ZNF618: variants seen among roughly 807,000 people sequenced by gnomAD.
ZNF618 encodes neural precursor cell expressed, developmentally down-regulated 10.
Under a neutral mutation model 103.0 loss-of-function variants are expected in ZNF618, and 34 were observed. The ratio of observed to expected loss-of-function variants is 0.33; its 90% CI spans 0.25 to 0.44. The LOEUF (loss-of-function observed/expected upper bound fraction) is 0.44, where lower values mean the gene tolerates loss of function less well. ZNF618 is among the 20% of genes least tolerant of loss of function. The pLI is 1.00. For missense variants in ZNF618, 1,059 were observed against 1,295.4 expected (o/e 0.82, Z 2.80); for synonymous variants, 551 against 542.2 (o/e 1.02, Z -0.23).
chr9:113,941,725 T>C (rs921792279), intron 1 of ZNF618, among the ~76,000 whole-genome samples: 1 of 152,210 alleles, frequency 6.6e-6, no homozygotes, highest in Non-Finnish European at 1.5e-5. Context: ...TAGGATTTCC[T>C]CTTTGTTTTT....
intron 3 of ZNF618, among the ~76,000 whole-genome samples, chr9:113,992,055 A>G (rs958432822): frequency 9.2e-5 from 14 of 152,220 alleles, no homozygotes; most frequent in Non-Finnish European, 1.8e-4. Flanking sequence ...ATTTAAAAAC[A>G]AAATCAGTGT....
chr9:114,005,743 TG>T (rs1280570909), intron 6 of ZNF618, among the ~76,000 whole-genome samples: 3 of 152,176 alleles, frequency 2.0e-5, no homozygotes, highest in Admixed American at 2.0e-4. Context: ...CGGGACCTGA[TG>T]GGGAAGTTGT....
chr9:114,003,211 G>A (rs1014424380), intron 6 of ZNF618, among the ~76,000 whole-genome samples: 2 of 152,218 alleles, frequency 1.3e-5, no homozygotes, highest in Non-Finnish European at 2.9e-5. Flanking sequence ...ACAGGGCCTT[G>A]ACATCTGCGA....
At chr9:113,963,527 C>A (rs1180720234) in intron 1 of ZNF618, among the ~76,000 whole-genome samples, 5 of 152,122 alleles carry the variant, frequency 3.3e-5, no homozygotes, top group Non-Finnish European at 7.4e-5. Flanking sequence ...AAAATACTGA[C>A]CACTGGGCAT....
intron 1 of ZNF618, among the ~76,000 whole-genome samples, chr9:113,885,667 T>G (rs1828997973): frequency 6.6e-6 from 1 of 152,180 alleles, no homozygotes. Context: ...CGACACAGCC[T>G]CTACTTGTTC....
At chr9:113,893,653 A>T (rs945003997) in intron 1 of ZNF618, among the ~76,000 whole-genome samples, 5 of 152,148 alleles carry the variant, frequency 3.3e-5, no homozygotes, top group Non-Finnish European at 5.9e-5. Flanking sequence ...CATAATATTC[A>T]CAGATGAGAA....
intron 1 of ZNF618, among the ~76,000 whole-genome samples, chr9:113,897,168 T>A (rs1351464973): frequency 6.6e-6 from 1 of 152,176 alleles, no homozygotes; most frequent in African/African-American, 2.4e-5. Context: ...TCATAACTGA[T>A]GTGTTTTGTT....
At chr9:113,926,057 C>T (rs77504000) in intron 1 of ZNF618, among the ~76,000 whole-genome samples, 1,527 of 152,066 alleles carry the variant, frequency 0.01, 6 homozygotes, top group Non-Finnish European at 0.014. Flanking sequence ...CAAGGCAGAT[C>T]TTCTGGCAAC....
intron 1 of ZNF618, among the ~76,000 whole-genome samples, chr9:113,877,118 C>T (rs1254219557): frequency 6.6e-6 from 1 of 151,058 alleles, no homozygotes; most frequent in Non-Finnish European, 1.5e-5. Flanking sequence ...TTGATCTTTC[C>T]AGAAGCATGG....
intron 1 of ZNF618, among the ~76,000 whole-genome samples, chr9:113,893,445 A>G (rs1392342994): frequency 6.6e-6 from 1 of 152,210 alleles, no homozygotes; most frequent in African/African-American, 2.4e-5. Flanking sequence ...AGAAAATAAA[A>G]AGATCATCCT....
chr9:113,910,905 A>G (rs994269062), intron 1 of ZNF618, among the ~76,000 whole-genome samples: 9 of 151,518 alleles, frequency 5.9e-5, no homozygotes, highest in Non-Finnish European at 1.2e-4. Flanking sequence ...ATCTCAGCTC[A>G]TTGCAGCCTC....
Position 114,050,227 on chromosome 9 carries a change from C to A in ZNF618, c.*60C>A. ...AAGATAACATTAGAAAAAAACCACA[C>A]AACACTGTCACAAAGAAAAGGAATT... On this transcript the variant is annotated 3_prime_UTR_variant, in exon 15 of 15. Coordinates refer to ENST00000374126, the MANE Select transcript of ZNF618 (RefSeq NM_001318042.2). 4.0e-6 allele frequency: 6 copies of A among 1,483,482 alleles called. No homozygotes were observed. The highest frequency in any genetic ancestry group is 5.4e-6 in the Non-Finnish European group (6 of 1,118,380). The allele number at this position is 1,483,482 out of a possible 1,614,324, so 91.9% of individuals were successfully genotyped here.
In ZNF618 at chr9:114,029,050, T is replaced by G. The variant is rs1288566673; in HGVS notation, c.1084+78T>G. 17 of 1,491,460 alleles carry G rather than the reference T, an allele frequency of 1.1e-5. No individual in the cohort carries two copies. In the South Asian group the frequency reaches 1.7e-4, roughly 15 times the overall value. The allele number at this position is 1,491,460 out of a possible 1,614,324, so 92.4% of individuals were successfully genotyped here. A position where few individuals can be genotyped will look rare whatever the true frequency, so the allele number is the denominator to read the frequency against. On this transcript the variant is annotated intron_variant, in intron 11 of 14. Coordinates refer to ENST00000374126, the MANE Select transcript of ZNF618 (RefSeq NM_001318042.2). ...CACCTGCCACAGCTGTGCCTGGGGT[T>G]GTTGTTGCCTTGCAAGAGCAAGAGT...
intron 1 of ZNF618, among the ~76,000 whole-genome samples, chr9:113,964,610 AAC>A (rs1433592045): frequency 6.6e-6 from 1 of 152,168 alleles, no homozygotes; most frequent in Admixed American, 6.5e-5. Context: ...GGTTTTTCCA[AAC>A]ACACAGCGGT....
At chr9:113,987,232 A>G (rs1361808401) in intron 2 of ZNF618, among the ~76,000 whole-genome samples, 1 of 152,106 alleles carries the variant, frequency 6.6e-6, no homozygotes, top group Non-Finnish European at 1.5e-5. Flanking sequence ...GGCCCTTAGG[A>G]TGATAACATG....
At chr9:114,044,238 G>C (rs11790678) in intron 13 of ZNF618, among the ~76,000 whole-genome samples, 1 of 151,996 alleles carries the variant, frequency 6.6e-6, no homozygotes, top group Non-Finnish European at 1.5e-5. Context: ...TGAGAGATGA[G>C]GATCCAGTTT....
At chr9:114,036,883 A>C (rs996332523) in intron 13 of ZNF618, among the ~76,000 whole-genome samples, 1 of 152,204 alleles carries the variant, frequency 6.6e-6, no homozygotes, top group Non-Finnish European at 1.5e-5. Context: ...CAGAATTACC[A>C]GGAGGGCTTG....
At chr9:114,021,626 T>A (rs1201650722) in intron 10 of ZNF618, among the ~76,000 whole-genome samples, 1 of 152,100 alleles carries the variant, frequency 6.6e-6, no homozygotes, top group Non-Finnish European at 1.5e-5. Context: ...AGTGTACAGT[T>A]TGATAAGTTT....
At chr9:113,889,310 C>T (rs932269640) in intron 1 of ZNF618, among the ~76,000 whole-genome samples, 3 of 135,836 alleles carry the variant, frequency 2.2e-5, no homozygotes, top group African/African-American at 5.4e-5. Flanking sequence ...CCTGTCTCCC[C>T]GCTACCATCT....
Sources: allele counts gnomAD v4.1 joint callset (sites outside exome capture counted in the v4.1 genomes callset), GRCh38; gene constraint gnomAD v4.1.1; transcripts MANE v1.5; gene names NCBI Gene and HGNC (gene_info 2026-07-23, HGNC 2026-07-21).